Variants in LRRK2 observed in about 807,000 individuals in gnomAD.
LRRK2 encodes the protein leucine-rich repeat serine/threonine-protein kinase 2.
Under a neutral mutation model 302.6 loss-of-function variants are expected in LRRK2, and 203 were observed. The ratio of observed to expected loss-of-function variants is 0.67; its 90% CI spans 0.60 to 0.75. The LOEUF (loss-of-function observed/expected upper bound fraction) is 0.75. LRRK2 is among the 30% of genes least tolerant of loss of function. The pLI, the probability that LRRK2 is intolerant of heterozygous loss-of-function variation, is 0.00. For missense variants in LRRK2, 2,830 were observed against 2,951.0 expected (o/e 0.96, Z 0.95); for synonymous variants, 1,066 against 1,031.9 (o/e 1.03, Z -0.63).
intron 11 of LRRK2, among the ~76,000 whole-genome samples, chr12:40,254,664 T>A (rs1942421708): frequency 6.6e-6 from 1 of 152,206 alleles, no homozygotes; most frequent in South Asian, 2.1e-4. Flanking sequence ...TCTCCTTTGA[T>A]ATGCAAATCA....
intron 45 of LRRK2, 123 bp from the exon 46 acceptor site, chr12:40,355,992 G>A: frequency 3.1e-6 from 2 of 652,922 alleles, no homozygotes; most frequent in South Asian, 1.8e-5. Context: ...CTAAGAAAAG[G>A]GAGGTTAGGA....
intron 20 of LRRK2, among the ~76,000 whole-genome samples, chr12:40,292,062 G>A (rs1944179794): frequency 6.6e-6 from 1 of 152,004 alleles, no homozygotes; most frequent in Non-Finnish European, 1.5e-5. Flanking sequence ...GATTACTGGA[G>A]CACTTTTTCC....
At chr12:40,364,343 A>G (rs1385105954) in intron 48 of LRRK2, among the ~76,000 whole-genome samples, 1 of 151,980 alleles carries the variant, frequency 6.6e-6, no homozygotes, top group African/African-American at 2.4e-5. Flanking sequence ...CTGAAGTACC[A>G]AAACGATTAG....
At chr12:40,307,690 A>G in intron 28 of LRRK2, among the ~76,000 whole-genome samples, 1 of 151,802 alleles carries the variant, frequency 6.6e-6, no homozygotes, top group Non-Finnish European at 1.5e-5. Context: ...CTTTAACAGT[A>G]TACATATATC....
chr12:40,293,965 G>A (rs547705804), intron 21 of LRRK2, among the ~76,000 whole-genome samples: 1 of 149,972 alleles, frequency 6.7e-6, no homozygotes, highest in African/African-American at 2.4e-5. Context: ...AGAACTCCAT[G>A]TCTGAAAAGA....
At position 40,310,642 on chromosome 12, in the gene LRRK2, A is replaced by G; in HGVS notation, c.4529A>G (p.Asn1510Ser). The G allele has an allele frequency of 1.2e-6, 2 of 1,613,074 alleles. No homozygotes were observed. Among genetic ancestry groups the G allele is most frequent in the Non-Finnish European group, 1.7e-6 (2 of 1,179,610 alleles). Residue 1510 changes from asparagine (N) to serine (S), a missense_variant, in exon 31 of 51, where the codon AAT becomes AGT. Physicochemically the swap from Asn to Ser is conservative, Grantham distance 46. Around this residue, in one of 3 missense-constraint regions of LRRK2, gnomAD observed 2,121 missense variants for 2,148.0 expected, o/e 0.99. Coordinates refer to ENST00000298910, the MANE Select transcript of LRRK2 (RefSeq NM_198578.4). Reference sequence around the variant, plus strand: ...AAAACCATCATAAACGAGAGCCTTAATTTCAAGGTAACATGGTAGGCTGGT... The same window carrying G: ...AAAACCATCATAAACGAGAGCCTTAGTTTCAAGGTAACATGGTAGGCTGGT... ...LRKTIINESLNFKIRDQLVVG... is the reference protein window; with the variant it reads ...LRKTIINESLSFKIRDQLVVG...
At chr12:40,310,066 A>T (rs1944985449) in intron 30 of LRRK2, among the ~76,000 whole-genome samples, 2 of 152,138 alleles carry the variant, frequency 1.3e-5, no homozygotes, top group African/African-American at 2.4e-5. Flanking sequence ...AGAAAATATA[A>T]ACTATATGAC....
At chr12:40,230,774 AG>A (rs1357850543) in intron 2 of LRRK2, among the ~76,000 whole-genome samples, 1 of 151,656 alleles carries the variant, frequency 6.6e-6, no homozygotes, top group Admixed American at 6.6e-5. Flanking sequence ...TAGGAAGAAT[AG>A]GTTAATTTTC....
chr12:40,235,766 T>A, intron 4 of LRRK2, 52 bp downstream of exon 4: 1 of 960,196 alleles, frequency 1.0e-6, no homozygotes, highest in Non-Finnish European at 1.7e-6. Context: ...AAAAAGTTGA[T>A]ACCATTAAGT....
intron 2 of LRRK2, among the ~76,000 whole-genome samples, chr12:40,227,684 TC>T (rs145334235): frequency 0.016 from 2,416 of 152,296 alleles, 74 homozygotes; most frequent in African/African-American, 0.056. Flanking sequence ...TACCACATTT[TC>T]TTTTATTTTT....
Position 40,322,032 on chromosome 12 carries a change from T to C in LRRK2, c.5171-3T>C, listed in dbSNP as rs775386513. Reference sequence around the variant, plus strand: ...GTTAATAATTAATGGCTCCATTTTTTAGAACGAGCACTTCGCCCAAACAGA... The same window carrying C: ...GTTAATAATTAATGGCTCCATTTTTCAGAACGAGCACTTCGCCCAAACAGA... On this transcript the variant is annotated splice_region_variant and splice_polypyrimidine_tract_variant and intron_variant, in intron 35 of 50. Transcript: ENST00000298910. 3 of 1,613,188 alleles carry C rather than the reference T, an allele frequency of 1.9e-6. No individual in the cohort carries two copies. Among genetic ancestry groups the C allele is most frequent in the Admixed American group, 1.7e-5 (1 of 59,970 alleles).
At chr12:40,361,267 G>A (rs1026979469) in intron 47 of LRRK2, among the ~76,000 whole-genome samples, 1 of 151,902 alleles carries the variant, frequency 6.6e-6, no homozygotes, top group Non-Finnish European at 1.5e-5. Context: ...CTAGTATGTG[G>A]TTAACATTTG....
chr12:40,229,688 A>T (rs1941076379), intron 2 of LRRK2, among the ~76,000 whole-genome samples: 1 of 152,194 alleles, frequency 6.6e-6, no homozygotes, highest in Admixed American at 6.5e-5. Flanking sequence ...TACCAATTTA[A>T]TTGTATTGTA....
chr12:40,341,266 C>A (rs918212741), intron 41 of LRRK2, among the ~76,000 whole-genome samples: 1 of 152,188 alleles, frequency 6.6e-6, no homozygotes, highest in Non-Finnish European at 1.5e-5. Flanking sequence ...GGCTATACAT[C>A]ATCTTGCTGA....
Position 40,287,413 on chromosome 12 carries a change from G to A in LRRK2, c.2563G>A (p.Gly855Arg). The A allele has an allele frequency of 6.2e-7, 1 of 1,612,792 alleles. No individual in the cohort carries two copies. The highest frequency in any genetic ancestry group is 8.5e-7 in the Non-Finnish European group (1 of 1,179,124). The change falls in exon 20 of 51, where the codon GGA (glycine) becomes AGA (arginine). Residue 855 changes from glycine to arginine, a missense_variant. Physicochemically the swap from Gly to Arg is moderately radical, Grantham distance 125. This residue lies in a region of LRRK2 where 2,121 missense variants were observed against 2,148.0 expected (regional missense o/e 0.99). Coordinates refer to ENST00000298910, the MANE Select transcript of LRRK2 (RefSeq NM_198578.4). The stretch of plus-strand genomic sequence containing the variant: ...TCAGATGAAAAGTGCTGTGGAAGAA[G>A]GAACAGCCTCAGGCAGCGATGGAAA... ...RYQMKSAVEE[G>R]TASGSDGNFS...
chr12:40,310,649 G>T lies in LRRK2; in HGVS notation c.4536G>T (p.Lys1512Asn). ...KTIINESLNF[K>N]IRDQLVVGQL... ...TCATAAACGAGAGCCTTAATTTCAA[G>T]GTAACATGGTAGGCTGGTAGAGAAA... The change falls in exon 31 of 51, where the codon AAG (lysine) becomes AAT (asparagine). Residue 1512 changes from lysine (K) to asparagine (N), a missense_variant and splice_region_variant. Lys to Asn is a moderately conservative substitution (Grantham distance 94). Around this residue, in one of 3 missense-constraint regions of LRRK2, gnomAD observed 2,121 missense variants for 2,148.0 expected, o/e 0.99. Coordinates refer to ENST00000298910, the MANE Select transcript of LRRK2 (RefSeq NM_198578.4). 6.2e-7 allele frequency: 1 copy of T among 1,612,660 alleles called. No homozygotes were observed. The highest frequency in any genetic ancestry group is 8.5e-7 in the Non-Finnish European group (1 of 1,179,322).
intron 18 of LRRK2, among the ~76,000 whole-genome samples, chr12:40,278,465 C>T (rs1943553729): frequency 6.6e-6 from 1 of 152,144 alleles, no homozygotes; most frequent in Admixed American, 6.5e-5. Context: ...TCTAATCTTT[C>T]ATTTCATCTG....
intron 18 of LRRK2, among the ~76,000 whole-genome samples, chr12:40,280,514 A>G (rs963903978): frequency 6.6e-6 from 1 of 151,596 alleles, no homozygotes; most frequent in South Asian, 2.1e-4. Context: ...AGTCCCAGCT[A>G]CTTGGGAGTC....
At chr12:40,272,243 A>T (rs1349236810) in intron 14 of LRRK2, among the ~76,000 whole-genome samples, 1 of 152,206 alleles carries the variant, frequency 6.6e-6, no homozygotes, top group East Asian at 1.9e-4. Flanking sequence ...TGTTAATCAA[A>T]CAGAAAGTTC....
Sources: allele counts gnomAD v4.1 joint callset (sites outside exome capture counted in the v4.1 genomes callset), GRCh38; gene constraint gnomAD v4.1.1; regional missense constraint gnomAD v4.1.1; transcripts MANE v1.5; gene names NCBI Gene and HGNC (gene_info 2026-07-23, HGNC 2026-07-21).